STAG1: variants seen among roughly 807,000 people sequenced by gnomAD.
STAG1 encodes the protein cohesin subunit SA-1.
Under a neutral mutation model 170.9 loss-of-function variants are expected in STAG1, and 26 were observed. The ratio of observed to expected loss-of-function variants is 0.15; its 90% confidence interval spans 0.11 to 0.21. STAG1 has a LOEUF of 0.21. Ranked by LOEUF, STAG1 falls within the 10% of genes least tolerant of loss-of-function variation. The pLI is 1.00. For missense variants in STAG1, 964 were observed against 1,509.5 expected (o/e 0.64, Z 5.99); for synonymous variants, 514 against 497.7 (o/e 1.03, Z -0.44).
intron 1 of STAG1, among the ~76,000 whole-genome samples, chr3:136,682,882 C>G (rs145691683): frequency 6.6e-6 from 1 of 152,016 alleles, no homozygotes; most frequent in Non-Finnish European, 1.5e-5. Flanking sequence ...TGTCTACTAA[C>G]GGATAAATGG....
intron 1 of STAG1, among the ~76,000 whole-genome samples, chr3:136,731,390 G>C (rs1023274045): frequency 3.3e-5 from 5 of 152,190 alleles, no homozygotes; most frequent in South Asian, 2.1e-4. Context: ...AAAGCAAATA[G>C]AATTTGTCAA....
chr3:136,734,150 A>C (rs1576828103), intron 1 of STAG1, among the ~76,000 whole-genome samples: 1 of 151,808 alleles, frequency 6.6e-6, no homozygotes, highest in Non-Finnish European at 1.5e-5. Flanking sequence ...CAAAACAAAA[A>C]AAATTTTCTG....
chr3:136,601,632 C>T (rs1439341692), intron 4 of STAG1, among the ~76,000 whole-genome samples: 3 of 151,768 alleles, frequency 2.0e-5, no homozygotes, highest in Non-Finnish European at 2.9e-5. Context: ...CTGGCCAACA[C>T]GGTGAAAGCC....
intron 22 of STAG1, among the ~76,000 whole-genome samples, chr3:136,387,637 G>T (rs2086906838): frequency 6.6e-6 from 1 of 152,154 alleles, no homozygotes; most frequent in Admixed American, 6.5e-5. Flanking sequence ...GGGATAGGGG[G>T]AGAGTGTGCA....
rs370466389 is a variant in STAG1 at position 136,623,434 on chromosome 3, T to C, written c.30-186A>G. Among the ~76,000 whole-genome samples the C allele has an allele frequency of 3.9e-4, 59 of 152,152 alleles. 1 individual carries two copies. The South Asian group carries it at 7.9e-3, about 20-fold the overall frequency. On this transcript the variant is annotated intron_variant, in intron 2 of 33. Coordinates refer to ENST00000383202, the MANE Select transcript of STAG1 (RefSeq NM_005862.3). The stretch of plus-strand genomic sequence containing the variant: ...TAATTTCACATAACAGTGAGTGAAA[T>C]GAATCCCCCAAATAAAGAGGGAAAT...
intron 21 of STAG1, among the ~76,000 whole-genome samples, chr3:136,409,882 C>T (rs1195540385): frequency 6.6e-6 from 1 of 151,956 alleles, no homozygotes; most frequent in East Asian, 1.9e-4. Flanking sequence ...GATTCCAGAC[C>T]AGCCTGGGCA....
intron 29 of STAG1, among the ~76,000 whole-genome samples, chr3:136,347,916 T>G (rs564539567): frequency 6.6e-6 from 1 of 152,212 alleles, no homozygotes; most frequent in South Asian, 2.1e-4. Flanking sequence ...AAAGGTTGCA[T>G]AGCTGATAAT....
intron 22 of STAG1, among the ~76,000 whole-genome samples, chr3:136,379,028 C>A (rs1184072489): frequency 6.6e-6 from 1 of 152,172 alleles, no homozygotes; most frequent in Non-Finnish European, 1.5e-5. Context: ...AAATTACACA[C>A]ATATTTTCTT....
At chr3:136,744,592 T>TA (rs1934839393) in intron 1 of STAG1, among the ~76,000 whole-genome samples, 1 of 152,112 alleles carries the variant, frequency 6.6e-6, no homozygotes, top group African/African-American at 2.4e-5. Context: ...CTTTCCTTTT[T>TA]ACCAATGAGA....
At chr3:136,349,086 C>T in intron 29 of STAG1, 72 bp downstream of exon 29, 2 of 1,190,024 alleles carry the variant, frequency 1.7e-6, no homozygotes, top group Non-Finnish European at 2.5e-6. Flanking sequence ...TATCTTGCTT[C>T]AAAAGATTAT....
intron 21 of STAG1, among the ~76,000 whole-genome samples, chr3:136,410,486 T>C (rs1392667089): frequency 1.3e-5 from 2 of 151,942 alleles, no homozygotes; most frequent in Non-Finnish European, 2.9e-5. Flanking sequence ...AAACAACACA[T>C]TAGTAGAAGA....
intron 29 of STAG1, among the ~76,000 whole-genome samples, chr3:136,344,550 T>TGCCTC (rs1428890986): frequency 1.3e-5 from 2 of 152,132 alleles, no homozygotes; most frequent in Non-Finnish European, 2.9e-5. Flanking sequence ...ACCATTTTCA[T>TGCCTC]GCCTCTGTAC....
chr3:136,603,892 AAAAGAAAGAAAG>A (rs963097348), intron 4 of STAG1, among the ~76,000 whole-genome samples: 23 of 152,014 alleles, frequency 1.5e-4, no homozygotes, highest in Non-Finnish European at 2.5e-4. Context: ...GTCTCAAAAA[AAAAGAAAGAAAG>A]AAAGAAAGAA....
chr3:136,499,730 T>A (rs1381548135), intron 9 of STAG1: 1 of 152,254 alleles, frequency 6.6e-6, no homozygotes, highest in Non-Finnish European at 1.5e-5. Flanking sequence ...TATTTCAATG[T>A]GTTTATCTGA....
intron 1 of STAG1, among the ~76,000 whole-genome samples, chr3:136,702,109 G>GAGAGAGAGAC (rs1943090734): frequency 1.1e-5 from 1 of 89,600 alleles, no homozygotes; most frequent in African/African-American, 5.0e-5. Flanking sequence ...GAGAGAGAGA[G>GAGAGAGAGAC]AGAGAGAGAG....
chr3:136,545,883 T>G (rs556192584), intron 5 of STAG1, among the ~76,000 whole-genome samples: 1 of 152,296 alleles, frequency 6.6e-6, no homozygotes. Flanking sequence ...GAAAAAAAAC[T>G]AATGTATTTT....
At position 136,568,042 on chromosome 3, in the gene STAG1, T is replaced by G. The variant is rs571434793; in HGVS notation, c.394+723A>C. On this transcript the variant is annotated intron_variant, in intron 5 of 33. Coordinates refer to ENST00000383202, the MANE Select transcript of STAG1 (RefSeq NM_005862.3). ...TATAAGGGTGGTGCTCTGTAAATAT[T>G]TGATAAACTACTCATGTCAATATGG... 5.9e-5 allele frequency among the ~76,000 whole-genome samples: 9 copies of G among 152,110 alleles called. No homozygotes were observed. In the East Asian group the frequency reaches 7.7e-4, roughly 13 times the overall value.
rs374050472 is a variant in STAG1 at position 136,688,146 on chromosome 3, T to C, written c.-83-57165A>G. Among the ~76,000 whole-genome samples the C allele has an allele frequency of 1.8e-4, 28 of 152,282 alleles. No homozygotes were observed. In the South Asian group the frequency reaches 5.4e-3, roughly 29 times the overall value. ...TTTAGTTTTAAGTCACCTGTTGAGGTACTGTTTCAGTCAGGAGTGAGGGCC... is the reference window on the plus strand; with the variant it reads ...TTTAGTTTTAAGTCACCTGTTGAGGCACTGTTTCAGTCAGGAGTGAGGGCC... On this transcript the variant is annotated intron_variant, in intron 1 of 33. Transcript: ENST00000383202.
At chr3:136,526,912 AT>A (rs1935060057) in intron 6 of STAG1, among the ~76,000 whole-genome samples, 1 of 152,172 alleles carries the variant, frequency 6.6e-6, no homozygotes, top group South Asian at 2.1e-4. Context: ...AGAATGTTGA[AT>A]GTTGGCTCCC....
Sources: gnomAD v4.1 joint callset for allele counts (sites outside exome capture counted in the v4.1 genomes callset) on GRCh38, gnomAD v4.1.1 for gene constraint, MANE v1.5 for transcripts, NCBI Gene and HGNC (gene_info 2026-07-23, HGNC 2026-07-21) for gene names.